SLX4IP: variants seen among roughly 807,000 people sequenced by gnomAD.
SLX4IP encodes SLX4 interacting protein.
SLX4IP carries 34 observed loss-of-function variants against 32.9 expected under a neutral mutation model. The observed-to-expected ratio is 1.03, with a 90% confidence interval of 0.79 to 1.38. SLX4IP has a LOEUF of 1.38. Among genes scored for constraint, SLX4IP ranks in the 40% most tolerant of loss-of-function variants. The pLI is 0.00. For synonymous variants in SLX4IP, 172 were observed against 171.7 expected (o/e 1.00, Z -0.01); for missense variants, 444 against 479.0 (o/e 0.93, Z 0.68).
At chr20:10,560,610 A>G (rs2066322015) in intron 3 of SLX4IP, 90 bp from the exon 4 acceptor site, 1 of 1,005,510 alleles carries the variant, frequency 9.9e-7, no homozygotes, top group East Asian at 3.1e-5. Context: ...AGCAAAATGA[A>G]ATGAAATGTT....
chr20:10,598,456 G>A (rs1253354841), intron 4 of SLX4IP, among the ~76,000 whole-genome samples: 1 of 152,154 alleles, frequency 6.6e-6, no homozygotes, highest in Non-Finnish European at 1.5e-5. Flanking sequence ...TAGAGACAGG[G>A]TTTCACCATG....
intron 4 of SLX4IP, among the ~76,000 whole-genome samples, chr20:10,567,456 A>G (rs1447129146): frequency 6.6e-6 from 1 of 152,138 alleles, no homozygotes; most frequent in Non-Finnish European, 1.5e-5. Flanking sequence ...TGGAGGACTC[A>G]GTGTTCAAGG....
intron 2 of SLX4IP, among the ~76,000 whole-genome samples, chr20:10,465,561 G>T (rs373497595): frequency 6.6e-6 from 1 of 152,082 alleles, no homozygotes; most frequent in Non-Finnish European, 1.5e-5. Context: ...GTTGGAGTGC[G>T]GTGGCAAGAT....
chr20:10,460,515 T>C (rs941332772), intron 2 of SLX4IP, among the ~76,000 whole-genome samples: 9 of 152,248 alleles, frequency 5.9e-5, no homozygotes, highest in Admixed American at 5.9e-4. Flanking sequence ...CTGTTAATTG[T>C]TGTCCTTTAG....
At position 10,601,751 on chromosome 20, in the gene SLX4IP, A is replaced by G. The variant is rs900159678; in HGVS notation, c.337A>G (p.Arg113Gly). Residue 113 changes from arginine to glycine, a missense_variant, in exon 6 of 8, where the codon AGA (arginine) becomes GGA (glycine). Physicochemically the swap from Arg to Gly is moderately radical, Grantham distance 125. Coordinates refer to ENST00000334534, the MANE Select transcript of SLX4IP (RefSeq NM_001009608.3). ...TACAGAACTCTGTGTATTCCCTGAC[A>G]GATTTGTGGTTTGTGTCAGTCAGCT... Reference protein sequence around the residue: ...QNAELCVFPDRFVVCVSQLAF... With the variant: ...QNAELCVFPDGFVVCVSQLAF... 2 of 1,613,898 alleles carry G rather than the reference A, an allele frequency of 1.2e-6. No individual in the cohort carries two copies. Among genetic ancestry groups the G allele is most frequent in the African/African-American group, 2.7e-5 (2 of 74,918 alleles).
chr20:10,553,587 A>G (rs2066238765), intron 2 of SLX4IP, among the ~76,000 whole-genome samples: 2 of 152,320 alleles, frequency 1.3e-5, no homozygotes, highest in South Asian at 2.1e-4. Flanking sequence ...AAATTCTGTA[A>G]CCAACAGTTG....
At chr20:10,486,924 TG>T (rs2065579266) in intron 2 of SLX4IP, among the ~76,000 whole-genome samples, 1 of 98,382 alleles carries the variant, frequency 1.0e-5, no homozygotes, top group African/African-American at 2.9e-5. Flanking sequence ...AAACTTGCTC[TG>T]TTTTTTTTTT....
rs531824189 is a variant in SLX4IP at position 10,455,135 on chromosome 20, CCTT to C, written c.-29-3039_-29-3037del. Among the ~76,000 whole-genome samples, 16 of 152,218 alleles carry C rather than the reference CCTT, an allele frequency of 1.1e-4. No homozygotes were observed. In the East Asian group the frequency reaches 3.1e-3, roughly 29 times the overall value. On this transcript the variant is annotated intron_variant, in intron 1 of 7. Coordinates refer to ENST00000334534, the MANE Select transcript of SLX4IP (RefSeq NM_001009608.3). ...TTCTTTATATATTCTGGACATGAGT[CCTT>C]CATCAGATGTATGATTTGCAGATTT... is the stretch of plus-strand genomic sequence containing the variant.
intron 2 of SLX4IP, among the ~76,000 whole-genome samples, chr20:10,475,761 T>C (rs930558867): frequency 1.3e-5 from 2 of 152,230 alleles, no homozygotes; most frequent in Admixed American, 1.3e-4. Context: ...GCTTCATCGA[T>C]TGTGGCACGG....
chr20:10,603,709 CG>C (rs1277855794), intron 6 of SLX4IP, among the ~76,000 whole-genome samples: 2 of 152,172 alleles, frequency 1.3e-5, no homozygotes, highest in Non-Finnish European at 2.9e-5. Flanking sequence ...AGTTTCATCT[CG>C]GGGCTCAAGC....
intron 2 of SLX4IP, among the ~76,000 whole-genome samples, chr20:10,554,457 G>A (rs1427034999): frequency 1.3e-5 from 2 of 152,218 alleles, no homozygotes; most frequent in African/African-American, 2.4e-5. Flanking sequence ...CACCTGGGAA[G>A]GAATCATTGG....
chr20:10,471,370 T>A (rs1465972821), intron 2 of SLX4IP, among the ~76,000 whole-genome samples: 2 of 152,194 alleles, frequency 1.3e-5, no homozygotes, highest in Non-Finnish European at 2.9e-5. Flanking sequence ...CAGTGAGAAA[T>A]TAATGTGTCA....
intron 2 of SLX4IP, among the ~76,000 whole-genome samples, chr20:10,517,962 T>G (rs1196373777): frequency 2.0e-5 from 3 of 152,014 alleles, no homozygotes; most frequent in Admixed American, 2.0e-4. Flanking sequence ...TAAATAGTAG[T>G]TTACAAATTA....
intron 4 of SLX4IP, among the ~76,000 whole-genome samples, chr20:10,586,022 G>C (rs1741930217): frequency 6.6e-6 from 1 of 152,114 alleles, no homozygotes; most frequent in Non-Finnish European, 1.5e-5. Flanking sequence ...TACCACTCAT[G>C]TAGTCAACAA....
At chr20:10,454,832 C>G (rs1472411975) in intron 1 of SLX4IP, among the ~76,000 whole-genome samples, 1 of 152,128 alleles carries the variant, frequency 6.6e-6, no homozygotes, top group African/African-American at 2.4e-5. Flanking sequence ...AACTATTGTG[C>G]AAAGTGGCTA....
chr20:10,500,693 A>G (rs971234001), intron 2 of SLX4IP, among the ~76,000 whole-genome samples: 2 of 152,280 alleles, frequency 1.3e-5, no homozygotes, highest in Non-Finnish European at 2.9e-5. Flanking sequence ...TCGAGGCTGC[A>G]TGAGCTATGA....
intron 2 of SLX4IP, among the ~76,000 whole-genome samples, chr20:10,463,696 GA>G (rs2065357086): frequency 6.6e-6 from 1 of 152,182 alleles, no homozygotes; most frequent in East Asian, 1.9e-4. Flanking sequence ...CTAAACAAAA[GA>G]AAAATGATGC....
At position 10,552,046 on chromosome 20, in the gene SLX4IP, G is replaced by A. The variant is rs573884993; in HGVS notation, c.28-4185G>A. ...TAAAAAATTAAAATGGACAAGATGC[G>A]TGACTGATTCTGGAGGGTTAGGGGA... On this transcript the variant is annotated intron_variant, in intron 2 of 7. Transcript: ENST00000334534. 2.6e-5 allele frequency among the ~76,000 whole-genome samples: 4 copies of A among 152,334 alleles called. No homozygotes were observed. In the East Asian group the frequency reaches 7.7e-4, roughly 29 times the overall value.
At chr20:10,558,789 A>G (rs892885073) in intron 3 of SLX4IP, among the ~76,000 whole-genome samples, 21 of 152,154 alleles carry the variant, frequency 1.4e-4, no homozygotes, top group African/African-American at 2.4e-5. Context: ...TGCCCCTCAA[A>G]GGTAGCTGAG....
Sources: gnomAD v4.1 joint callset for allele counts (sites outside exome capture counted in the v4.1 genomes callset) on GRCh38, gnomAD v4.1.1 for gene constraint, MANE v1.5 for transcripts, NCBI Gene and HGNC (gene_info 2026-07-23, HGNC 2026-07-21) for gene names.